The following ANKRD16 variants were observed in gnomAD, a reference collection of about 807,000 sequenced individuals.
ANKRD16 encodes the protein ankyrin repeat domain 16.
ANKRD16 carries 35 observed loss-of-function variants against 37.9 expected under a neutral mutation model. That is an observed-to-expected ratio of 0.92 (90% CI 0.71 to 1.23). The LOEUF (loss-of-function observed/expected upper bound fraction) is 1.23. Among genes scored for constraint, ANKRD16 ranks in the 50% most tolerant of loss-of-function variants. ANKRD16 has a pLI of 0.00. For synonymous variants in ANKRD16, 206 were observed against 197.2 expected (o/e 1.04, Z -0.37); for missense variants, 480 against 469.9 (o/e 1.02, Z -0.20).
intron 2 of ANKRD16, among the ~76,000 whole-genome samples, chr10:5,886,161 A>C (rs1462982309): frequency 6.6e-6 from 1 of 152,224 alleles, no homozygotes; most frequent in East Asian, 1.9e-4. Flanking sequence ...ACTATACTCA[A>C]AGGTTATGAC....
chr10:5,878,073 C>CT lies in ANKRD16; in HGVS notation c.*33+23dup. On this transcript the variant is annotated intron_variant, in intron 7 of 7. Coordinates refer to ENST00000380094, the MANE Select transcript of ANKRD16 (RefSeq NM_019046.3). This position sits in a 1 kb window ranked among gnomAD's most constrained non-coding sequence, Gnocchi z 5.1. ...CTGGTTTCGCTGAATCTGTGACTGA[C>CT]TTAAGAAGCAGGATATGAATTACCA... 1 of 1,567,004 alleles carries CT rather than the reference C, an allele frequency of 6.4e-7. No homozygotes were observed. The highest frequency in any genetic ancestry group is 2.3e-5 in the East Asian group (1 of 43,636).
chr10:5,876,267 A>G (rs950172198), intron 7 of ANKRD16, among the ~76,000 whole-genome samples: 12 of 152,208 alleles, frequency 7.9e-5, no homozygotes, highest in Non-Finnish European at 1.8e-4. Flanking sequence ...GGTTTCTATT[A>G]CAAAGGTGCG....
chr10:5,872,718 G>A (rs931239955), intron 7 of ANKRD16, among the ~76,000 whole-genome samples: 9 of 151,234 alleles, frequency 6.0e-5, no homozygotes, highest in Non-Finnish European at 1.0e-4. Flanking sequence ...CACCACACCC[G>A]GCTAATTTTT....
Position 5,871,758 on chromosome 10 carries a change from G to A in ANKRD16, c.*33+6339C>T, listed in dbSNP as rs978680118. ...CCCACAGAGCCCTCACTCCCTCACC[G>A]CTGGCTTCCTCCCTCTGTGGGCTCC... On this transcript the variant is annotated intron_variant, in intron 7 of 7. Coordinates refer to ENST00000380094, the MANE Select transcript of ANKRD16 (RefSeq NM_019046.3). This position sits in a 1 kb window ranked among gnomAD's most constrained non-coding sequence, Gnocchi z 4.5. 2.6e-5 allele frequency among the ~76,000 whole-genome samples: 4 copies of A among 152,096 alleles called. No homozygotes were observed. Among genetic ancestry groups the A allele is most frequent in the Non-Finnish European group, 5.9e-5 (4 of 68,022 alleles).
At position 5,869,875 on chromosome 10, in the gene ANKRD16, C is replaced by T. The variant is rs1429903680; in HGVS notation, c.*34-7184G>A. On this transcript the variant is annotated intron_variant, in intron 7 of 7. Transcript: ENST00000380094. This position sits in a 1 kb window ranked among gnomAD's most constrained non-coding sequence, Gnocchi z 4.0. ...GTGCAGGTTTGTTACCTGGGTATAT[C>T]GCGTGATGCTGAGGTCTGCAGTAAG... Among the ~76,000 whole-genome samples, 2 of 152,030 alleles carry T rather than the reference C, an allele frequency of 1.3e-5. No individual in the cohort carries two copies. Among genetic ancestry groups the T allele is most frequent in the African/African-American group, 2.4e-5 (1 of 41,370 alleles).
intron 4 of ANKRD16, 136 bp from the exon 5 acceptor site, chr10:5,883,303 G>A: frequency 2.2e-6 from 2 of 910,294 alleles, no homozygotes; most frequent in Non-Finnish European, 3.2e-6. Context: ...TGTGGCTTTT[G>A]TCTGATTTTC....
chr10:5,881,734 CT>C (rs1842320639), intron 5 of ANKRD16, among the ~76,000 whole-genome samples: 2 of 144,690 alleles, frequency 1.4e-5, no homozygotes, highest in Admixed American at 1.4e-4. Flanking sequence ...GTCGTCCAGG[CT>C]GGAGTGCGGT....
In ANKRD16 at chr10:5,871,308, A is replaced by ACCCC. The variant is rs1842086027; in HGVS notation, c.*33+6788_*33+6789insGGGG. ...AGGCTGAGGCAGGAGAATCGCTTGA[A>ACCCC]CCCGGGAGGCAGAGGTTGCTGTGAG... On this transcript the variant is annotated intron_variant, in intron 7 of 7. Coordinates refer to ENST00000380094, the MANE Select transcript of ANKRD16 (RefSeq NM_019046.3). This position sits in a 1 kb window ranked among gnomAD's most constrained non-coding sequence, Gnocchi z 4.5. 6.6e-6 allele frequency among the ~76,000 whole-genome samples: 1 copy of ACCCC among 151,840 alleles called. No individual in the cohort carries two copies. Among genetic ancestry groups the ACCCC allele is most frequent in the South Asian group, 2.1e-4 (1 of 4,812 alleles).
intron 3 of ANKRD16, 64 bp from the exon 4 acceptor site, chr10:5,884,141 A>T (rs1842372673): frequency 1.6e-6 from 2 of 1,232,446 alleles, no homozygotes; most frequent in South Asian, 1.2e-5. Flanking sequence ...GGGACAGTTG[A>T]CACCTGATCA....
rs1429585809 is a variant in ANKRD16 at position 5,864,825 on chromosome 10, A to G, written c.*34-2134T>C. The stretch of plus-strand genomic sequence containing the variant: ...GCCTGTGAATTATTTGATGATGTCC[A>G]CCATAACTCAGGGAAAGGAAGAAAA... On this transcript the variant is annotated intron_variant, in intron 7 of 7. Transcript: ENST00000380094. The surrounding 1 kb of genome is among the most constrained non-coding windows in gnomAD (Gnocchi z 4.4). 6.6e-6 allele frequency among the ~76,000 whole-genome samples: 1 copy of G among 152,232 alleles called. No individual in the cohort carries two copies. Among genetic ancestry groups the G allele is most frequent in the Non-Finnish European group, 1.5e-5 (1 of 68,038 alleles).
Position 5,872,114 on chromosome 10 carries a change from G to A in ANKRD16, c.*33+5983C>T, listed in dbSNP as rs544256199. Among the ~76,000 whole-genome samples, 5 of 152,242 alleles carry A rather than the reference G, an allele frequency of 3.3e-5. No homozygotes were observed. The East Asian group carries it at 9.6e-4, about 29-fold the overall frequency. On this transcript the variant is annotated intron_variant, in intron 7 of 7. Transcript: ENST00000380094. ...CAAGACTCAATATGGACAGTAATAC[G>A]ATGGAGCATAAGACGGCCATGAAAC...
rs900952187 is a variant in ANKRD16, at chr10:5,874,349, T to C, written c.*33+3748A>G. On this transcript the variant is annotated intron_variant, in intron 7 of 7. Coordinates refer to ENST00000380094, the MANE Select transcript of ANKRD16 (RefSeq NM_019046.3). The surrounding 1 kb of genome is among the most constrained non-coding windows in gnomAD (Gnocchi z 4.7). ...CTCTGGGAGGCAGGTTAAGCCACAA[T>C]TGGCAATCAATGCCCTTGGTCACAT... Among the ~76,000 whole-genome samples the C allele has an allele frequency of 3.3e-5, 5 of 152,238 alleles. No individual in the cohort carries two copies. Among genetic ancestry groups the C allele is most frequent in the African/African-American group, 1.2e-4 (5 of 41,456 alleles).
Position 5,862,771 on chromosome 10 carries a change from C to T in ANKRD16, c.*34-80G>A. 9.8e-7 allele frequency: 1 copy of T among 1,017,618 alleles called. No individual in the cohort carries two copies. The highest frequency in any genetic ancestry group is 1.3e-6 in the Non-Finnish European group (1 of 741,398). The allele number at this position is 1,017,618 out of a possible 1,614,324, so 63.0% of individuals were successfully genotyped here. On this transcript the variant is annotated intron_variant, in intron 7 of 7. Coordinates refer to ENST00000380094, the MANE Select transcript of ANKRD16 (RefSeq NM_019046.3). The surrounding 1 kb of genome is among the most constrained non-coding windows in gnomAD (Gnocchi z 6.5). ...GAGGGCAAGCAGCTAGCACAAGGTC[C>T]CACAGCTGGACTCAGGGCTGCTGGC...
chr10:5,883,229 T>G, intron 4 of ANKRD16, 62 bp from the exon 5 acceptor site: 2 of 1,553,750 alleles, frequency 1.3e-6, no homozygotes, highest in Non-Finnish European at 1.7e-6. Flanking sequence ...AACTTAGATC[T>G]GGGCATCTGC....
chr10:5,889,236 A>AG lies in ANKRD16; in HGVS notation c.118dup (p.Leu40ProfsTer132). 6.4e-7 allele frequency: 1 copy of AG among 1,555,256 alleles called. No individual in the cohort carries two copies. Among genetic ancestry groups the AG allele is most frequent in the African/African-American group, 1.4e-5 (1 of 71,688 alleles). On this transcript the variant is annotated frameshift_variant, in exon 1 of 8. Transcript: ENST00000380094. LOFTEE classifies it high-confidence loss of function. Reference sequence around the variant, plus strand: ...CCCGTGGCGCGCGGCGCAGTGCAGGAGGGTATCCCCGGCCGGCCCCGGGCA... The same window carrying AG: ...CCCGTGGCGCGCGGCGCAGTGCAGGAGGGGTATCCCCGGCCGGCCCCGGGCA...
chr10:5,881,451 T>C (rs879667969), intron 5 of ANKRD16, among the ~76,000 whole-genome samples: 4 of 42,924 alleles, frequency 9.3e-5, no homozygotes, highest in African/African-American at 3.8e-4. Flanking sequence ...TATATATATA[T>C]ATATATATAT....
rs1842221432 is a variant in ANKRD16 at position 5,878,465 on chromosome 10, A to G, written c.929-178T>C. Reference sequence around the variant, plus strand: ...TTGTTTCTAACCTGATTGGGTTGAAAATAGTTTTAAAGATAACAAAACCAG... The same window carrying G: ...TTGTTTCTAACCTGATTGGGTTGAAGATAGTTTTAAAGATAACAAAACCAG... On this transcript the variant is annotated intron_variant, in intron 6 of 7. Transcript: ENST00000380094. This position sits in a 1 kb window ranked among gnomAD's most constrained non-coding sequence, Gnocchi z 5.1. Among the ~76,000 whole-genome samples, 1 of 152,082 alleles carries G rather than the reference A, an allele frequency of 6.6e-6. No individual in the cohort carries two copies. The highest frequency in any genetic ancestry group is 6.6e-5 in the Admixed American group (1 of 15,262).
intron 7 of ANKRD16, among the ~76,000 whole-genome samples, chr10:5,867,607 A>G (rs770989926): frequency 1.1e-4 from 16 of 152,224 alleles, no homozygotes; most frequent in Non-Finnish European, 2.1e-4. Context: ...TGTAACATGT[A>G]TTATCCTAAC....
rs1212463701 is a variant in ANKRD16, at chr10:5,864,308, A to G, written c.*34-1617T>C. Among the ~76,000 whole-genome samples the G allele has an allele frequency of 6.6e-6, 1 of 152,036 alleles. No homozygotes were observed. The highest frequency in any genetic ancestry group is 1.5e-5 in the Non-Finnish European group (1 of 68,014). On this transcript the variant is annotated intron_variant, in intron 7 of 7. Coordinates refer to ENST00000380094, the MANE Select transcript of ANKRD16 (RefSeq NM_019046.3). This position sits in a 1 kb window ranked among gnomAD's most constrained non-coding sequence, Gnocchi z 4.4. ...AACCTCCCCTGCCCAGAAGGAAACA[A>G]GCAAAGAAATCTCCAAGGGACCACA...
Sources: allele counts gnomAD v4.1 joint callset (sites outside exome capture counted in the v4.1 genomes callset), GRCh38; gene constraint gnomAD v4.1.1; non-coding constraint Gnocchi (gnomAD v3.1); transcripts MANE v1.5; gene names NCBI Gene and HGNC (gene_info 2026-07-23, HGNC 2026-07-21).